MAMDC2: variants seen among roughly 807,000 people sequenced by gnomAD.
The protein encoded by MAMDC2 is MAM domain containing 2, also known as MAM domain-containing protein 2.
MAMDC2 carries 57 observed loss-of-function variants against 89.8 expected under a neutral mutation model. The observed-to-expected ratio is 0.63, with a 90% CI of 0.51 to 0.79. The LOEUF (loss-of-function observed/expected upper bound fraction) is 0.79, where lower values mean the gene tolerates loss of function less well. MAMDC2 is among the 30% of genes least tolerant of loss of function. The pLI, the probability that MAMDC2 is intolerant of heterozygous loss-of-function variation, is 0.00. For synonymous variants in MAMDC2, 313 were observed against 293.4 expected, an observed-to-expected ratio of 1.07 and a Z score of -0.68; for missense variants, 800 against 820.6, an observed-to-expected ratio of 0.97 and a Z score of 0.31.
intron 9 of MAMDC2, among the ~76,000 whole-genome samples, chr9:70,154,792 G>T (rs577969522): frequency 1.3e-5 from 2 of 152,202 alleles, no homozygotes; most frequent in South Asian, 2.1e-4. Context: ...GATTACAGGC[G>T]TGAGCCACCG....
intron 2 of MAMDC2, among the ~76,000 whole-genome samples, chr9:70,096,092 C>T (rs1254044287): frequency 6.6e-6 from 1 of 151,968 alleles, no homozygotes; most frequent in Non-Finnish European, 1.5e-5. Context: ...GGTGCAATCA[C>T]AGCTTTCTGC....
At chr9:70,079,129 T>G (rs1827600178) in intron 2 of MAMDC2, 1 of 152,260 alleles carries the variant, frequency 6.6e-6, no homozygotes, top group Admixed American at 6.5e-5. Flanking sequence ...GACACCCAAC[T>G]GGGTCACCAA....
intron 2 of MAMDC2, among the ~76,000 whole-genome samples, chr9:70,058,151 T>C (rs954569839): frequency 2.6e-5 from 4 of 152,240 alleles, no homozygotes; most frequent in Admixed American, 2.0e-4. Context: ...TGAACAATTA[T>C]TGAGCAATTA....
chr9:70,108,998 C>T (rs767763865), intron 3 of MAMDC2, among the ~76,000 whole-genome samples: 18 of 152,040 alleles, frequency 1.2e-4, no homozygotes, highest in South Asian at 4.2e-4. Flanking sequence ...AGGAAGGTAG[C>T]GAATGTAAGG....
intron 2 of MAMDC2, chr9:70,092,146 A>G (rs568125883): frequency 1.3e-5 from 2 of 152,352 alleles, no homozygotes; most frequent in East Asian, 1.9e-4. Context: ...ACCTGCCATC[A>G]ATGAATATAT....
intron 11 of MAMDC2, among the ~76,000 whole-genome samples, chr9:70,171,583 CTG>C (rs1287118470): frequency 6.6e-6 from 1 of 152,112 alleles, no homozygotes; most frequent in Non-Finnish European, 1.5e-5. Context: ...GGTATACTAA[CTG>C]AATAAAAGCA....
intron 2 of MAMDC2, among the ~76,000 whole-genome samples, chr9:70,048,693 T>G (rs1361853138): frequency 6.6e-6 from 1 of 152,190 alleles, no homozygotes; most frequent in African/African-American, 2.4e-5. Context: ...TGGAAACCCC[T>G]TTGAGCAGCA....
chr9:70,147,489 T>C (rs964455733), intron 9 of MAMDC2, among the ~76,000 whole-genome samples: 4 of 150,070 alleles, frequency 2.7e-5, no homozygotes, highest in African/African-American at 9.9e-5. Flanking sequence ...TTTAGTTTTG[T>C]TTTTATTTTG....
At chr9:70,161,077 C>A (rs1032872707) in intron 9 of MAMDC2, among the ~76,000 whole-genome samples, 1 of 152,168 alleles carries the variant, frequency 6.6e-6, no homozygotes, top group African/African-American at 2.4e-5. Flanking sequence ...GCTGCTATCA[C>A]AGGCTCTCTG....
intron 11 of MAMDC2, among the ~76,000 whole-genome samples, chr9:70,179,350 A>AT (rs2032581172): frequency 2.0e-5 from 1 of 51,246 alleles, no homozygotes; most frequent in South Asian, 6.0e-4. Flanking sequence ...GTCTCTACTA[A>AT]AAACACACAC....
intron 2 of MAMDC2, among the ~76,000 whole-genome samples, chr9:70,049,335 T>C (rs2117971665): frequency 6.6e-6 from 1 of 152,322 alleles, no homozygotes; most frequent in East Asian, 1.9e-4. Flanking sequence ...TCTCAGCTCC[T>C]TGGCCATCTG....
chr9:70,072,021 A>G (rs1827421480), intron 2 of MAMDC2, among the ~76,000 whole-genome samples: 1 of 152,228 alleles, frequency 6.6e-6, no homozygotes, highest in Non-Finnish European at 1.5e-5. Context: ...TATTTGAGGT[A>G]CTGCTCAGTA....
intron 4 of MAMDC2, among the ~76,000 whole-genome samples, chr9:70,111,080 G>T (rs2118269617): frequency 6.6e-6 from 1 of 152,324 alleles, no homozygotes; most frequent in East Asian, 1.9e-4. Context: ...TGAGGCTCAG[G>T]CTCTTTTCCT....
At chr9:70,049,020 T>C (rs1346668924) in intron 2 of MAMDC2, among the ~76,000 whole-genome samples, 1 of 152,172 alleles carries the variant, frequency 6.6e-6, no homozygotes, top group Non-Finnish European at 1.5e-5. Context: ...CAGAAATGTC[T>C]CAGGTGAACA....
At chr9:70,162,909 C>CA (rs56289208) in intron 9 of MAMDC2, among the ~76,000 whole-genome samples, 18,080 of 141,006 alleles carry the variant, frequency 0.13, 1,369 homozygotes, top group East Asian at 0.24. Context: ...CCACCCCCCT[C>CA]AAAAAAAAAA....
intron 11 of MAMDC2, among the ~76,000 whole-genome samples, chr9:70,202,304 G>C (rs1009966199): frequency 6.6e-6 from 1 of 151,724 alleles, no homozygotes; most frequent in Admixed American, 6.6e-5. Flanking sequence ...CCTTCATTTC[G>C]TTATGTACCC....
chr9:70,121,091 A>G (rs1226714783), intron 5 of MAMDC2, among the ~76,000 whole-genome samples: 1 of 152,230 alleles, frequency 6.6e-6, no homozygotes, highest in East Asian at 1.9e-4. Flanking sequence ...GAGTCAGAGG[A>G]TGCCTCTGGC....
intron 2 of MAMDC2, chr9:70,092,272 A>G (rs778565235): frequency 6.6e-6 from 1 of 152,174 alleles, no homozygotes; most frequent in Non-Finnish European, 1.5e-5. Flanking sequence ...TGTAGGCTTT[A>G]CTGCAGACCA....
intron 2 of MAMDC2, among the ~76,000 whole-genome samples, chr9:70,092,982 T>C (rs1250100582): frequency 6.6e-6 from 1 of 152,178 alleles, no homozygotes; most frequent in African/African-American, 2.4e-5. Context: ...TTTTATCCTT[T>C]ATAATAGATG....
Sources: gnomAD v4.1 joint callset for allele counts (sites outside exome capture counted in the v4.1 genomes callset) on GRCh38, gnomAD v4.1.1 for gene constraint, MANE v1.5 for transcripts, NCBI Gene and HGNC (gene_info 2026-07-23, HGNC 2026-07-21) for gene names.